MACROD2: variants seen among roughly 807,000 people sequenced by gnomAD.
The protein encoded by MACROD2 is ADP-ribose glycohydrolase MACROD2.
A neutral mutation model predicts 70.4 loss-of-function variants in MACROD2; 36 were observed. The observed-to-expected ratio is 0.51, with a 90% confidence interval of 0.39 to 0.68. MACROD2 has a LOEUF of 0.68. Among genes scored for constraint, MACROD2 ranks in the 30% least tolerant of loss-of-function variants. The pLI is 0.00. For missense variants in MACROD2, 496 were observed against 538.4 expected (o/e 0.92, Z 0.78); for synonymous variants, 172 against 178.8 (o/e 0.96, Z 0.30).
chr20:14,880,473 G>A (rs865954499), intron 5 of MACROD2, among the ~76,000 whole-genome samples: 5 of 152,172 alleles, frequency 3.3e-5, no homozygotes, highest in Admixed American at 6.5e-5. Context: ...AAACCTTCAA[G>A]AGCCCACGTA....
intron 3 of MACROD2, among the ~76,000 whole-genome samples, chr20:14,272,823 A>G (rs1428421352): frequency 6.6e-6 from 1 of 152,212 alleles, no homozygotes; most frequent in Non-Finnish European, 1.5e-5. Flanking sequence ...ATGTAAAACA[A>G]AAAAGGCAGG....
Position 14,332,199 on chromosome 20 carries a change from T to G in MACROD2, c.272-161280T>G, listed in dbSNP as rs182021747. 2.5e-3 allele frequency among the ~76,000 whole-genome samples: 373 copies of G among 152,238 alleles called. 2 individuals carry two copies. Among genetic ancestry groups the G allele is most frequent in the Non-Finnish European group, 3.3e-3 (226 of 68,014 alleles). The stretch of plus-strand genomic sequence containing the variant: ...TCAGTTTATTTTTACAAATAAAAAT[T>G]GTGGGGTTTTTTTGCATTTATAATG... On this transcript the variant is annotated intron_variant, in intron 3 of 17. Coordinates refer to ENST00000684519, the MANE Select transcript of MACROD2 (RefSeq NM_001351661.2).
intron 15 of MACROD2, among the ~76,000 whole-genome samples, chr20:16,022,644 A>G (rs556772958): frequency 6.6e-6 from 1 of 152,222 alleles, no homozygotes; most frequent in South Asian, 2.1e-4. Context: ...TCCAATGCAG[A>G]TGGTTCCTGG....
chr20:14,325,272 G>C, intron 3 of MACROD2: 2 of 251,348 alleles, frequency 8.0e-6, no homozygotes, highest in Admixed American at 1.0e-4. Flanking sequence ...CAAAGTAAAT[G>C]GTTTATAACT....
intron 3 of MACROD2, among the ~76,000 whole-genome samples, chr20:14,214,337 C>T (rs1036313063): frequency 6.6e-6 from 1 of 152,082 alleles, no homozygotes; most frequent in Non-Finnish European, 1.5e-5. Context: ...GTGCCATCCC[C>T]TTCTTTCAAG....
At chr20:15,222,232 G>A (rs2076868166) in intron 5 of MACROD2, among the ~76,000 whole-genome samples, 1 of 152,182 alleles carries the variant, frequency 6.6e-6, no homozygotes. Flanking sequence ...AAATGCTGCA[G>A]GGTGTGTTGA....
At chr20:15,472,388 C>T (rs1318824469) in intron 7 of MACROD2, among the ~76,000 whole-genome samples, 1 of 152,108 alleles carries the variant, frequency 6.6e-6, no homozygotes, top group East Asian at 1.9e-4. Flanking sequence ...TAACTGCAGG[C>T]TTAGAAGACT....
At chr20:14,145,951 A>G (rs892059870) in intron 3 of MACROD2, among the ~76,000 whole-genome samples, 2 of 152,178 alleles carry the variant, frequency 1.3e-5, no homozygotes, top group African/African-American at 2.4e-5. Flanking sequence ...CTGGGAGACT[A>G]TTGTTTTATG....
At chr20:14,741,958 A>C (rs536769735) in intron 5 of MACROD2, among the ~76,000 whole-genome samples, 41 of 152,286 alleles carry the variant, frequency 2.7e-4, no homozygotes, top group African/African-American at 9.4e-4. Context: ...ATAGAAGTTC[A>C]ATATACCAGA....
chr20:14,465,129 G>A (rs1420160952), intron 3 of MACROD2, among the ~76,000 whole-genome samples: 2 of 152,036 alleles, frequency 1.3e-5, no homozygotes, highest in African/African-American at 4.8e-5. Flanking sequence ...AATGTTGACA[G>A]TGGGGTGTTA....
chr20:14,987,494 G>A (rs1387771976), intron 5 of MACROD2, among the ~76,000 whole-genome samples: 1 of 152,112 alleles, frequency 6.6e-6, no homozygotes, highest in African/African-American at 2.4e-5. Flanking sequence ...TGTGTTTAAT[G>A]TACAGTATTT....
chr20:15,845,344 A>G (rs139117769), intron 8 of MACROD2, among the ~76,000 whole-genome samples: 11 of 152,230 alleles, frequency 7.2e-5, no homozygotes, highest in South Asian at 6.2e-4. Flanking sequence ...ACAACTCATA[A>G]TATCTATGAA....
chr20:15,256,265 T>A (rs1013896171), intron 6 of MACROD2, among the ~76,000 whole-genome samples: 6 of 152,110 alleles, frequency 3.9e-5, no homozygotes, highest in African/African-American at 1.4e-4. Context: ...TAAAAAGTGA[T>A]GCTGTTTGGA....
At chr20:14,090,531 C>A (rs528189122) in intron 3 of MACROD2, among the ~76,000 whole-genome samples, 1 of 148,066 alleles carries the variant, frequency 6.8e-6, no homozygotes, top group East Asian at 2.1e-4. Context: ...CGAGATTGCA[C>A]CATTGCACTC....
chr20:14,981,556 C>G (rs1042030487), intron 5 of MACROD2, among the ~76,000 whole-genome samples: 9 of 151,562 alleles, frequency 5.9e-5, no homozygotes, highest in African/African-American at 2.2e-4. Context: ...TGGGAGAGAC[C>G]CAGTGGGAGG....
chr20:15,223,206 C>G (rs1312754040), intron 5 of MACROD2, among the ~76,000 whole-genome samples: 2 of 152,208 alleles, frequency 1.3e-5, no homozygotes, highest in Non-Finnish European at 1.5e-5. Flanking sequence ...ATCTCATTTT[C>G]CATAGCTCTT....
chr20:15,277,632 G>C (rs2077405213), intron 6 of MACROD2, among the ~76,000 whole-genome samples: 1 of 152,152 alleles, frequency 6.6e-6, no homozygotes, highest in Non-Finnish European at 1.5e-5. Context: ...GATGCTGCTG[G>C]TCCACAGACA....
intron 4 of MACROD2, among the ~76,000 whole-genome samples, chr20:14,512,546 A>T (rs2085042650): frequency 6.6e-6 from 1 of 152,092 alleles, no homozygotes; most frequent in Non-Finnish European, 1.5e-5. Flanking sequence ...AAATGAATGG[A>T]CACTTATGAA....
At chr20:15,044,001 G>C (rs2075374373) in intron 5 of MACROD2, among the ~76,000 whole-genome samples, 1 of 152,144 alleles carries the variant, frequency 6.6e-6, no homozygotes, top group Non-Finnish European at 1.5e-5. Flanking sequence ...GAAACTCTCT[G>C]CACTCCATTG....
Sources: gnomAD v4.1 joint callset for allele counts (sites outside exome capture counted in the v4.1 genomes callset) on GRCh38, gnomAD v4.1.1 for gene constraint, MANE v1.5 for transcripts, NCBI Gene and HGNC (gene_info 2026-07-23, HGNC 2026-07-21) for gene names.